The following ATG7 variants were observed in gnomAD, a reference collection of about 807,000 sequenced individuals.
ATG7 encodes autophagy related 7.
In ATG7, 70 loss-of-function variants were observed where a neutral mutation model predicts 82.4. The ratio of observed to expected loss-of-function variants is 0.85; its 90% confidence interval spans 0.70 to 1.04. The LOEUF is 1.04. Ranked by LOEUF, ATG7 falls within the 50% of genes least tolerant of loss-of-function variation. The probability of loss-of-function intolerance (pLI) is 0.00; values close to 1 mark genes in which losing one functional copy is unlikely to be tolerated. For synonymous variants in ATG7, 287 were observed against 313.0 expected (o/e 0.92, Z 0.88); for missense variants, 792 against 864.3 (o/e 0.92, Z 1.05).
intron 15 of ATG7, among the ~76,000 whole-genome samples, chr3:11,358,889 C>T (rs910501451): frequency 1.3e-5 from 2 of 152,206 alleles, no homozygotes; most frequent in African/African-American, 4.8e-5. Flanking sequence ...TCCAAGAGGA[C>T]AGAGACTTGG....
intron 20 of ATG7, chr3:11,446,745 T>C (rs2084595757): frequency 1.3e-5 from 3 of 228,104 alleles, no homozygotes; most frequent in Admixed American, 6.2e-5. Flanking sequence ...AGGGGCTACT[T>C]GGGCCTGGAA....
At position 11,555,015 on chromosome 3, in the gene ATG7, G is replaced by T; in HGVS notation, c.*172G>T. ...GAGTGGCCAGTGTTCGGCGTTGCTC[G>T]GGATTCAAGATACCACCAGTTCAGA... On this transcript the variant is annotated 3_prime_UTR_variant, in exon 21 of 21. Transcript: ENST00000693202. 1 of 774,082 alleles carries T rather than the reference G, an allele frequency of 1.3e-6. No homozygotes were observed. The highest frequency in any genetic ancestry group is 2.0e-5 in the South Asian group (1 of 50,304). The allele number at this position is 774,082 out of a possible 1,614,324, so 48.0% of individuals were successfully genotyped here.
At chr3:11,527,725 T>C (rs2092614332) in intron 20 of ATG7, among the ~76,000 whole-genome samples, 1 of 152,236 alleles carries the variant, frequency 6.6e-6, no homozygotes, top group South Asian at 2.1e-4. Context: ...AAGATTTGCC[T>C]GTAACAAATG....
At chr3:11,467,656 G>A (rs145832684) in intron 20 of ATG7, among the ~76,000 whole-genome samples, 50 of 152,264 alleles carry the variant, frequency 3.3e-4, no homozygotes, top group Non-Finnish European at 5.9e-4. Context: ...GATTACAGGC[G>A]TGAGCCAATG....
intron 20 of ATG7, among the ~76,000 whole-genome samples, chr3:11,546,115 G>A (rs538363270): frequency 2.0e-5 from 3 of 150,398 alleles, no homozygotes; most frequent in South Asian, 4.2e-4. Flanking sequence ...CAGCCTGGGT[G>A]ACAGAGTGAG....
intron 3 of ATG7, among the ~76,000 whole-genome samples, chr3:11,286,152 CTGTT>C (rs887154156): frequency 1.3e-4 from 20 of 152,364 alleles, no homozygotes; most frequent in African/African-American, 3.6e-4. Context: ...CACACAGTGT[CTGTT>C]TGTCACGTTG....
At chr3:11,548,284 A>T (rs969540827) in intron 20 of ATG7, among the ~76,000 whole-genome samples, 1 of 152,148 alleles carries the variant, frequency 6.6e-6, no homozygotes, top group African/African-American at 2.4e-5. Context: ...TATATTCTAG[A>T]TACAAGTCTC....
intron 20 of ATG7, among the ~76,000 whole-genome samples, chr3:11,547,006 C>G (rs2071350943): frequency 6.6e-6 from 1 of 152,210 alleles, no homozygotes; most frequent in African/African-American, 2.4e-5. Flanking sequence ...GCTGGCCTGT[C>G]CTTTCGGCTG....
At chr3:11,279,938 G>GTTT (rs34457373) in intron 1 of ATG7, among the ~76,000 whole-genome samples, 1 of 143,598 alleles carries the variant, frequency 7.0e-6, no homozygotes, top group Non-Finnish European at 1.5e-5. Context: ...GGGGACCATA[G>GTTT]TTTTTTTTTT....
intron 14 of ATG7, among the ~76,000 whole-genome samples, chr3:11,351,157 G>A (rs2075512186): frequency 6.6e-6 from 1 of 152,156 alleles, no homozygotes; most frequent in Non-Finnish European, 1.5e-5. Context: ...GTCAGGTAGT[G>A]TATTTAAGAC....
At chr3:11,410,991 CT>C (rs527402728) in intron 19 of ATG7, among the ~76,000 whole-genome samples, 1 of 152,102 alleles carries the variant, frequency 6.6e-6, no homozygotes, top group Non-Finnish European at 1.5e-5. Context: ...TAATAATTCT[CT>C]TTTAATTTTT....
chr3:11,573,489 T>C, the ATG7 span, among the ~76,000 whole-genome samples: 3 of 152,126 alleles, frequency 2.0e-5, no homozygotes, highest in African/African-American at 7.2e-5. Context: ...TTGCAGGTCA[T>C]CCACCTTCGA....
At chr3:11,457,785 C>A (rs1395258761) in intron 20 of ATG7, among the ~76,000 whole-genome samples, 1 of 152,124 alleles carries the variant, frequency 6.6e-6, no homozygotes, top group African/African-American at 2.4e-5. Flanking sequence ...TTGGTTATGT[C>A]TGTCATGAAC....
downstream of ATG7, chr3:11,559,352 C>G: frequency 1.3e-6 from 2 of 1,548,966 alleles, no homozygotes; most frequent in Non-Finnish European, 8.7e-7. Flanking sequence ...CCTCCGGTAG[C>G]TGGCAGGCCC....
intron 11 of ATG7, among the ~76,000 whole-genome samples, chr3:11,339,795 C>T (rs972487985): frequency 6.6e-6 from 1 of 152,186 alleles, no homozygotes; most frequent in Non-Finnish European, 1.5e-5. Context: ...GTGTGGGAAA[C>T]ACAAAGCCAA....
At chr3:11,566,349 T>C in the ATG7 span, among the ~76,000 whole-genome samples, 1 of 152,232 alleles carries the variant, frequency 6.6e-6, no homozygotes, top group Non-Finnish European at 1.5e-5. Flanking sequence ...GATGGTGACA[T>C]CTTGTAAAAC....
chr3:11,412,261 C>CT (rs71055869), intron 19 of ATG7, among the ~76,000 whole-genome samples: 7,348 of 137,784 alleles, frequency 0.053, 594 homozygotes, highest in African/African-American at 0.18. Flanking sequence ...TTATTTGATT[C>CT]TTTTTTTTTT....
intron 20 of ATG7, chr3:11,510,437 G>T: frequency 5.5e-6 from 2 of 364,330 alleles, no homozygotes; most frequent in Non-Finnish European, 1.1e-5. Context: ...CTCATTCGAG[G>T]TCTTCTTTCT....
chr3:11,544,439 T>TA (rs368380541), intron 20 of ATG7, among the ~76,000 whole-genome samples: 168 of 152,310 alleles, frequency 1.1e-3, no homozygotes, highest in African/African-American at 3.8e-3. Flanking sequence ...TGGGGCCTCT[T>TA]AGAGTCCAGA....
Sources: gnomAD v4.1 joint callset for allele counts (sites outside exome capture counted in the v4.1 genomes callset) on GRCh38, gnomAD v4.1.1 for gene constraint, MANE v1.5 for transcripts, NCBI Gene and HGNC (gene_info 2026-07-23, HGNC 2026-07-21) for gene names.